PCDHGA7: variants seen among roughly 807,000 people sequenced by gnomAD.
The protein encoded by PCDHGA7 is protocadherin gamma-A7.
A neutral mutation model predicts 58.3 loss-of-function variants in PCDHGA7; 44 were observed. The observed-to-expected ratio is 0.75, with a 90% confidence interval of 0.59 to 0.97. The LOEUF is 0.97. Ranked by LOEUF, PCDHGA7 falls within the 50% of genes least tolerant of loss-of-function variation. PCDHGA7 has a pLI of 0.00. For synonymous variants in PCDHGA7, 516 were observed against 504.2 expected (o/e 1.02, Z -0.31); for missense variants, 1,266 against 1,188.7 (o/e 1.06, Z -0.96).
intron 1 of PCDHGA7, among the ~76,000 whole-genome samples, chr5:141,467,288 A>G (rs1322298174): frequency 6.6e-6 from 1 of 152,084 alleles, no homozygotes; most frequent in Non-Finnish European, 1.5e-5. Context: ...CTTGACCTCA[A>G]GTGATCCACT....
intron 1 of PCDHGA7, chr5:141,390,426 T>C: frequency 9.8e-7 from 1 of 1,021,884 alleles, no homozygotes; most frequent in Non-Finnish European, 1.4e-6. Flanking sequence ...TAAAAAGCTG[T>C]CATATCATTC....
intron 1 of PCDHGA7, among the ~76,000 whole-genome samples, chr5:141,457,005 A>T (rs2098903361): frequency 6.6e-6 from 1 of 152,146 alleles, no homozygotes; most frequent in Admixed American, 6.5e-5. Flanking sequence ...TGCATTACTA[A>T]ATCCAATAAA....
chr5:141,420,079 C>A, intron 1 of PCDHGA7: 1 of 1,613,998 alleles, frequency 6.2e-7, no homozygotes, highest in Non-Finnish European at 8.5e-7. Flanking sequence ...CTGTGGGTCC[C>A]CCCAACTACA....
At chr5:141,392,834 C>T in intron 1 of PCDHGA7, 2 of 1,607,664 alleles carry the variant, frequency 1.2e-6, no homozygotes, top group Non-Finnish European at 1.7e-6. Flanking sequence ...CACAGAGTCG[C>T]CCCAGACGCG....
chr5:141,393,458 G>A (rs181214352), intron 1 of PCDHGA7: 5 of 1,614,020 alleles, frequency 3.1e-6, no homozygotes, highest in African/African-American at 2.7e-5. Context: ...TCACGGCCTC[G>A]GATGGCGGCA....
intron 1 of PCDHGA7, chr5:141,389,398 T>C (rs1384148422): frequency 1.2e-6 from 2 of 1,613,536 alleles, no homozygotes; most frequent in East Asian, 4.5e-5. Flanking sequence ...TACGTGTCCA[T>C]AAGCGCGGAG....
rs375260597 is a variant in PCDHGA7 at position 141,388,655 on chromosome 5, G to C, written c.2424+3332G>C. On this transcript the variant is annotated intron_variant, in intron 1 of 3. Coordinates refer to ENST00000518325, the MANE Select transcript of PCDHGA7 (RefSeq NM_018920.4). Reference sequence around the variant, plus strand: ...TGAGCCTTTCAGAAAACGTGTACCCGGGGACCACGGTGCTACAGGTGACTG... The same window carrying C: ...TGAGCCTTTCAGAAAACGTGTACCCCGGGACCACGGTGCTACAGGTGACTG... The C allele has an allele frequency of 1.9e-6, 3 of 1,613,808 alleles. No individual in the cohort carries two copies. In the African/African-American group the frequency reaches 4.0e-5, roughly 22 times the overall value.
chr5:141,386,593 A>G (rs1350788918), intron 1 of PCDHGA7, among the ~76,000 whole-genome samples: 3 of 151,446 alleles, frequency 2.0e-5, no homozygotes, highest in African/African-American at 7.3e-5. Context: ...TGTGGGGGAT[A>G]CATTTTTTTT....
chr5:141,491,560 T>C lies in PCDHGA7; in HGVS notation c.2425-3247T>C. 1 of 1,613,986 alleles carries C rather than the reference T, an allele frequency of 6.2e-7. No homozygotes were observed. Among genetic ancestry groups the C allele is most frequent in the Non-Finnish European group, 8.5e-7 (1 of 1,180,026 alleles). ...GCCCACAGACTCGCAGAGCCACTGCTACAGGACGTGCTTTTCACCGGCCTC... is the reference window on the plus strand; with the variant it reads ...GCCCACAGACTCGCAGAGCCACTGCCACAGGACGTGCTTTTCACCGGCCTC... On this transcript the variant is annotated intron_variant, in intron 1 of 3. Coordinates refer to ENST00000518325, the MANE Select transcript of PCDHGA7 (RefSeq NM_018920.4). This position sits in a 1 kb window ranked among gnomAD's most constrained non-coding sequence, Gnocchi z 6.9.
At chr5:141,397,507 T>C (rs2093532297) in intron 1 of PCDHGA7, among the ~76,000 whole-genome samples, 1 of 152,222 alleles carries the variant, frequency 6.6e-6, no homozygotes, top group Non-Finnish European at 1.5e-5. Flanking sequence ...GATAAAATTG[T>C]TTCCATAGCT....
At position 141,477,067 on chromosome 5, in the gene PCDHGA7, C is replaced by G. The variant is rs370882752; in HGVS notation, c.2425-17740C>G. 5.6e-5 allele frequency: 91 copies of G among 1,614,116 alleles called. No individual in the cohort carries two copies. Among genetic ancestry groups the G allele is most frequent in the Non-Finnish European group, 7.7e-5 (91 of 1,180,042 alleles). ...GGCTGGACTTCGAGGACACCAAACT[C>G]CATGAGATTTACATCCAGGCCAAAG... On this transcript the variant is annotated intron_variant, in intron 1 of 3. Transcript: ENST00000518325. This position sits in a 1 kb window ranked among gnomAD's most constrained non-coding sequence, Gnocchi z 4.9.
chr5:141,409,823 A>G, intron 1 of PCDHGA7: 2 of 1,610,784 alleles, frequency 1.2e-6, no homozygotes, highest in Non-Finnish European at 1.7e-6. Flanking sequence ...CGGCTCGCCC[A>G]CGCTCAGCGC....
intron 1 of PCDHGA7, among the ~76,000 whole-genome samples, chr5:141,449,579 ACT>A (rs370512396): frequency 0.052 from 7,360 of 141,924 alleles, 400 homozygotes; most frequent in African/African-American, 0.14. Flanking sequence ...ACAGAGCAAG[ACT>A]CTGTCTCAAA....
intron 1 of PCDHGA7, chr5:141,415,577 C>G (rs776744277): frequency 2.5e-6 from 4 of 1,613,744 alleles, no homozygotes; most frequent in South Asian, 2.2e-5. Flanking sequence ...TTAGATGATT[C>G]GAAGTTTCCT....
intron 1 of PCDHGA7, among the ~76,000 whole-genome samples, chr5:141,471,706 A>G (rs2099262749): frequency 6.6e-6 from 1 of 152,212 alleles, no homozygotes; most frequent in African/African-American, 2.4e-5. Context: ...CTGGAATAGA[A>G]GTGCCACTTA....
intron 1 of PCDHGA7, chr5:141,403,720 C>G (rs1266419119): frequency 1.2e-6 from 2 of 1,613,874 alleles, no homozygotes; most frequent in Middle Eastern, 1.6e-4. Context: ...AGAACGTGCC[C>G]CCAGGCACCT....
intron 1 of PCDHGA7, among the ~76,000 whole-genome samples, chr5:141,458,215 T>C (rs2098940075): frequency 1.3e-5 from 2 of 152,174 alleles, no homozygotes; most frequent in African/African-American, 2.4e-5. Context: ...TTAAAATAAG[T>C]TTCCTTTCCC....
At chr5:141,433,400 TATCTATTA>T (rs1426636766) in intron 1 of PCDHGA7, among the ~76,000 whole-genome samples, 16 of 151,506 alleles carry the variant, frequency 1.1e-4, no homozygotes, top group African/African-American at 3.4e-4. Context: ...TCTATCTATC[TATCTATTA>T]CTTTCTTGTA....
At chr5:141,422,639 C>A (rs777330051) in intron 1 of PCDHGA7, 1 of 1,612,780 alleles carries the variant, frequency 6.2e-7, no homozygotes, top group South Asian at 1.1e-5. Context: ...AGGGGTGCCT[C>A]CATCTTCTCA....
Sources: allele counts gnomAD v4.1 joint callset (sites outside exome capture counted in the v4.1 genomes callset), GRCh38; gene constraint gnomAD v4.1.1; non-coding constraint Gnocchi (gnomAD v3.1); transcripts MANE v1.5; gene names NCBI Gene and HGNC (gene_info 2026-07-23, HGNC 2026-07-21).